The following NDUFAF6 variants were observed in gnomAD, a reference collection of about 807,000 sequenced individuals.
The protein encoded by NDUFAF6 is NADH:ubiquinone oxidoreductase complex assembly factor 6.
A neutral mutation model predicts 40.8 loss-of-function variants in NDUFAF6; 45 were observed. The observed-to-expected ratio is 1.10, with a 90% CI of 0.87 to 1.42. The LOEUF (loss-of-function observed/expected upper bound fraction) is 1.42, where lower values mean the gene tolerates loss of function less well. Among genes scored for constraint, NDUFAF6 ranks in the 40% most tolerant of loss-of-function variants. The probability of loss-of-function intolerance (pLI) is 0.00; values close to 1 mark genes in which losing one functional copy is unlikely to be tolerated. For synonymous variants in NDUFAF6, 185 were observed against 155.9 expected (o/e 1.19, Z -1.39); for missense variants, 435 against 418.5 (o/e 1.04, Z -0.34).
intron 9 of NDUFAF6, among the ~76,000 whole-genome samples, chr8:95,071,183 A>T (rs371527948): frequency 3.3e-5 from 5 of 151,840 alleles, no homozygotes; most frequent in East Asian, 1.9e-4. Context: ...GAGGTCAGGA[A>T]ATCAAGACCA....
At chr8:94,940,069 C>T in intron 1 of NDUFAF6, 2 of 1,614,174 alleles carry the variant, frequency 1.2e-6, no homozygotes, top group Non-Finnish European at 1.7e-6. Flanking sequence ...TTGGACATGA[C>T]TCAAACTGGA....
intron 2 of NDUFAF6, among the ~76,000 whole-genome samples, chr8:95,011,651 C>G (rs1376376400): frequency 6.6e-6 from 1 of 152,134 alleles, no homozygotes; most frequent in Non-Finnish European, 1.5e-5. Flanking sequence ...TTACATAGAT[C>G]AGATTTGGGT....
rs57749627 is a variant in NDUFAF6, at chr8:94,904,320, CTTTTTTTTTT to C, written c.-936+8421_-936+8430del. Among the ~76,000 whole-genome samples, 92 of 34,104 alleles carry C rather than the reference CTTTTTTTTTT, an allele frequency of 2.7e-3. 1 individual carries two copies. The highest frequency in any genetic ancestry group is 0.013 in the African/African-American group (83 of 6,548). 22.4% of individuals were successfully genotyped at this position (34,104 alleles called of 152,430 possible). A position where few individuals can be genotyped will look rare whatever the true frequency, so the allele number is the denominator to read the frequency against. On this transcript the variant is annotated intron_variant, in intron 1 of 14. Transcript: ENST00000396113. ...CATCACACCTGGCTAATTTTTTTTGCTTTTTTTTTTTTTTTTTTTTTTTTTTTTTTTTTTT... is the reference window on the plus strand; with the variant it reads ...CATCACACCTGGCTAATTTTTTTTGCTTTTTTTTTTTTTTTTTTTTTTTTT...
chr8:94,935,977 G>T (rs1190951423), intron 1 of NDUFAF6, among the ~76,000 whole-genome samples: 1 of 152,170 alleles, frequency 6.6e-6, no homozygotes, highest in African/African-American at 2.4e-5. Flanking sequence ...AGGCCCAATG[G>T]TGTATAGTAG....
intron 2 of NDUFAF6, among the ~76,000 whole-genome samples, chr8:94,997,289 GACACACAC>G (rs57953301): frequency 0.019 from 1,780 of 94,638 alleles, 42 homozygotes; most frequent in African/African-American, 0.059. Context: ...CAAGAAGAAA[GACACACAC>G]ACACACACAC....
chr8:94,922,626 C>A (rs1279803729), intron 1 of NDUFAF6, among the ~76,000 whole-genome samples: 1 of 151,868 alleles, frequency 6.6e-6, no homozygotes, highest in Non-Finnish European at 1.5e-5. Context: ...TTACAGGTGC[C>A]CGGCACCACA....
At chr8:95,085,951 T>C (rs758860040) in intron 2 of NDUFAF6, among the ~76,000 whole-genome samples, 1 of 152,218 alleles carries the variant, frequency 6.6e-6, no homozygotes, top group African/African-American at 2.4e-5. Flanking sequence ...GTATTTGTGT[T>C]GCAGTGTTTA....
chr8:95,082,631 TTTTG>T lies in NDUFAF6; in HGVS notation n.213+6899_213+6902del, dbSNP rs573428389. ...ATGTTCATGTGTTCCTTAGCATTCTTTTTGTTTGTTTGTTTGTTTGTTTTGTTTT... is the reference window on the plus strand; with the variant it reads ...ATGTTCATGTGTTCCTTAGCATTCTTTTTGTTTGTTTGTTTGTTTTGTTTT... On this transcript the variant is annotated intron_variant and non_coding_transcript_variant, in intron 2 of 5. Coordinates refer to the NDUFAF6 transcript ENST00000523184. 9.7e-4 allele frequency among the ~76,000 whole-genome samples: 131 copies of T among 135,282 alleles called. 2 individuals are homozygous for T. Among genetic ancestry groups the T allele is most frequent in the South Asian group, 2.1e-3 (10 of 4,808 alleles). The allele number at this position is 135,282 out of a possible 152,430, so 88.8% of individuals were successfully genotyped here.
Position 95,048,494 on chromosome 8 carries a change from A to G in NDUFAF6, c.752A>G (p.Gln251Arg), listed in dbSNP as rs1831062588. Residue 251 changes from glutamine to arginine, a missense_variant, in exon 7 of 9, where the codon CAA (glutamine) becomes CGA (arginine). By Grantham distance (43) the Gln-to-Arg change is conservative (BLOSUM62 1). Coordinates refer to ENST00000396124, the MANE Select transcript of NDUFAF6 (RefSeq NM_152416.4). ...CAAGAGGACTTTCTACGGAGGAACC[A>G]AGATAAAAATGTGAGAGATGTAATA... is the stretch of plus-strand genomic sequence containing the variant. ...VSQEDFLRRN[Q>R]DKNVRDVIYD... is the part of the protein sequence containing the mutation. 2 of 1,614,184 alleles carry G rather than the reference A, an allele frequency of 1.2e-6. No individual in the cohort carries two copies. Among genetic ancestry groups the G allele is most frequent in the East Asian group, 2.2e-5 (1 of 44,876 alleles).
At chr8:95,063,543 G>A, downstream of NDUFAF6, among the ~76,000 whole-genome samples, 1 of 152,166 alleles carries the variant, frequency 6.6e-6, no homozygotes, top group East Asian at 1.9e-4. Flanking sequence ...GTTGCAATGA[G>A]CCGAGATCGC....
chr8:94,898,456 G>A (rs971419693), intron 1 of NDUFAF6, among the ~76,000 whole-genome samples: 3 of 152,146 alleles, frequency 2.0e-5, no homozygotes, highest in African/African-American at 7.2e-5. Context: ...TCCGGTAGAC[G>A]AGTTGACTGG....
At chr8:94,934,062 A>C (rs922500966) in intron 1 of NDUFAF6, among the ~76,000 whole-genome samples, 1 of 151,448 alleles carries the variant, frequency 6.6e-6, no homozygotes, top group Non-Finnish European at 1.5e-5. Flanking sequence ...GGGCAACAAG[A>C]GTGAAACTCT....
At chr8:95,062,069 A>T (rs371800092), downstream of NDUFAF6, among the ~76,000 whole-genome samples, 289 of 151,580 alleles carry the variant, frequency 1.9e-3, 1 homozygote, top group African/African-American at 6.7e-3. Context: ...AGGTGGGAGG[A>T]TTGTTTGAGC....
intron 2 of NDUFAF6, among the ~76,000 whole-genome samples, chr8:95,019,986 G>T (rs1224576272): frequency 2.6e-5 from 4 of 152,156 alleles, no homozygotes; most frequent in Non-Finnish European, 2.9e-5. Context: ...ATCGCCTGAG[G>T]TCAGGAGTTT....
downstream of NDUFAF6, among the ~76,000 whole-genome samples, chr8:95,077,814 G>A (rs944244652): frequency 6.6e-6 from 1 of 152,130 alleles, no homozygotes; most frequent in African/African-American, 2.4e-5. Context: ...AGGGTGACCA[G>A]AAGCAAGCTC....
chr8:94,941,544 A>G (rs1010928286), intron 1 of NDUFAF6, among the ~76,000 whole-genome samples: 1 of 152,192 alleles, frequency 6.6e-6, no homozygotes, highest in African/African-American at 2.4e-5. Context: ...TCTTGTCTAT[A>G]ACTGTAAGCA....
chr8:95,073,837 C>G (rs1832951614), intron 9 of NDUFAF6, among the ~76,000 whole-genome samples: 1 of 152,142 alleles, frequency 6.6e-6, no homozygotes, highest in Non-Finnish European at 1.5e-5. Flanking sequence ...AACCTGCCAA[C>G]CAATCCCAAC....
chr8:95,062,142 C>T (rs2132015458), downstream of NDUFAF6, among the ~76,000 whole-genome samples: 1 of 148,844 alleles, frequency 6.7e-6, no homozygotes, highest in South Asian at 2.1e-4. Context: ...GCCTGGGCGA[C>T]AGAGACCGTG....
chr8:94,965,357 G>A (rs749303572), intron 1 of NDUFAF6, among the ~76,000 whole-genome samples: 2 of 152,206 alleles, frequency 1.3e-5, no homozygotes, highest in African/African-American at 2.4e-5. Context: ...AGGAAGAAGA[G>A]GCTGGGACAG....
Sources: allele counts gnomAD v4.1 joint callset (sites outside exome capture counted in the v4.1 genomes callset), GRCh38; gene constraint gnomAD v4.1.1; transcripts MANE v1.5; gene names NCBI Gene and HGNC (gene_info 2026-07-23, HGNC 2026-07-21).